Variants in HTR1E observed in about 807,000 individuals in gnomAD.
HTR1E encodes the protein 5-HT-1E.
A neutral mutation model predicts 3.4 loss-of-function variants in HTR1E; 3 were observed. That is an observed-to-expected ratio of 0.89 (90% CI 0.41 to 2.31). The LOEUF (loss-of-function observed/expected upper bound fraction) is 2.31. HTR1E is among the 30% of genes most tolerant of loss of function. The pLI is 0.05. For missense variants in HTR1E, 392 were observed against 467.0 expected (o/e 0.84, Z 1.48); for synonymous variants, 170 against 182.8 (o/e 0.93, Z 0.56).
intron 1 of HTR1E, among the ~76,000 whole-genome samples, chr6:86,995,615 A>C (rs1380711613): frequency 7.2e-6 from 1 of 139,738 alleles, no homozygotes; most frequent in African/African-American, 2.6e-5. Context: ...GCAGTGAGCC[A>C]AGATCACACC....
chr6:86,962,831 C>T (rs1767427793), intron 1 of HTR1E, among the ~76,000 whole-genome samples: 1 of 152,176 alleles, frequency 6.6e-6, no homozygotes, highest in Admixed American at 6.5e-5. Flanking sequence ...GAGCGAGACC[C>T]TGTCTCCAAA....
intron 1 of HTR1E, among the ~76,000 whole-genome samples, chr6:86,954,839 A>T (rs527563259): frequency 6.6e-6 from 1 of 152,286 alleles, no homozygotes; most frequent in East Asian, 1.9e-4. Context: ...GCAATATTTA[A>T]TGGAAGTCAA....
At chr6:86,959,414 A>G (rs1767374333) in intron 1 of HTR1E, among the ~76,000 whole-genome samples, 1 of 152,124 alleles carries the variant, frequency 6.6e-6, no homozygotes, top group Non-Finnish European at 1.5e-5. Context: ...CCCTGTCTCT[A>G]CAAAAAAAAA....
chr6:86,980,715 A>G (rs972241921), intron 1 of HTR1E, among the ~76,000 whole-genome samples: 4 of 152,184 alleles, frequency 2.6e-5, no homozygotes, highest in Admixed American at 6.5e-5. Flanking sequence ...CTCAGGCAAA[A>G]ATATTCTTCT....
chr6:86,950,382 G>A (rs1313560912), intron 1 of HTR1E, among the ~76,000 whole-genome samples: 2 of 152,110 alleles, frequency 1.3e-5, no homozygotes, highest in East Asian at 1.9e-4. Context: ...TGAAGTGCAC[G>A]GAAGGAATGA....
intron 1 of HTR1E, among the ~76,000 whole-genome samples, chr6:86,969,563 T>G (rs1259240247): frequency 2.6e-5 from 4 of 152,202 alleles, no homozygotes; most frequent in South Asian, 2.1e-4. Context: ...TGTTCCTTTT[T>G]TGGTCCCTGC....
At chr6:87,010,351 G>A (rs1232104105) in intron 1 of HTR1E, among the ~76,000 whole-genome samples, 3 of 117,076 alleles carry the variant, frequency 2.6e-5, no homozygotes, top group South Asian at 6.2e-4. Flanking sequence ...CGGGGCGGCT[G>A]GCCGGGCGGG....
intron 1 of HTR1E, among the ~76,000 whole-genome samples, chr6:86,968,031 TAATA>T (rs1487415236): frequency 6.6e-6 from 1 of 151,734 alleles, no homozygotes; most frequent in Non-Finnish European, 1.5e-5. Context: ...TCAATCGAGA[TAATA>T]AATGAGTTTA....
intron 1 of HTR1E, among the ~76,000 whole-genome samples, chr6:86,967,469 G>C (rs1185017894): frequency 2.0e-5 from 3 of 152,116 alleles, no homozygotes; most frequent in African/African-American, 7.2e-5. Context: ...ATTCAATGGA[G>C]AGAAAGTATT....
intron 1 of HTR1E, among the ~76,000 whole-genome samples, chr6:86,981,139 G>A (rs953235424): frequency 6.6e-6 from 1 of 152,154 alleles, no homozygotes. Flanking sequence ...AGGCAACAGA[G>A]GCTCAGATAT....
chr6:86,982,238 A>G (rs1767726082), intron 1 of HTR1E, among the ~76,000 whole-genome samples: 1 of 152,214 alleles, frequency 6.6e-6, no homozygotes, highest in Non-Finnish European at 1.5e-5. Flanking sequence ...TTACCCAATT[A>G]TCTAAACACC....
chr6:86,951,739 AAT>A (rs1437783942), intron 1 of HTR1E, among the ~76,000 whole-genome samples: 4 of 152,198 alleles, frequency 2.6e-5, no homozygotes, highest in Non-Finnish European at 5.9e-5. Context: ...AAAAGAAAAA[AAT>A]ATATATGTCT....
chr6:86,959,079 C>G (rs945443493), intron 1 of HTR1E, among the ~76,000 whole-genome samples: 1 of 151,590 alleles, frequency 6.6e-6, no homozygotes, highest in African/African-American at 2.4e-5. Flanking sequence ...GGCTGGAGAC[C>G]CAGGGCAGAG....
At chr6:86,990,649 G>C in intron 1 of HTR1E, among the ~76,000 whole-genome samples, 1 of 152,258 alleles carries the variant, frequency 6.6e-6, no homozygotes, top group East Asian at 1.9e-4. Context: ...GGCATCAATA[G>C]TGTATTTATA....
chr6:86,998,018 T>A (rs748355219), intron 1 of HTR1E, among the ~76,000 whole-genome samples: 25 of 150,382 alleles, frequency 1.7e-4, no homozygotes, highest in Non-Finnish European at 3.5e-4. Flanking sequence ...TACATAATGT[T>A]ATAAGAACTA....
intron 1 of HTR1E, among the ~76,000 whole-genome samples, chr6:87,001,463 G>A (rs1768022790): frequency 6.6e-6 from 1 of 152,162 alleles, no homozygotes; most frequent in Non-Finnish European, 1.5e-5. Flanking sequence ...AGGTCCTGCT[G>A]CTTGCCACAG....
At chr6:86,967,614 T>C (rs898057800) in intron 1 of HTR1E, among the ~76,000 whole-genome samples, 15 of 152,140 alleles carry the variant, frequency 9.9e-5, no homozygotes, top group African/African-American at 3.6e-4. Flanking sequence ...AGATTAAATA[T>C]GCGAAAGAGA....
In HTR1E at chr6:86,968,597, A is replaced by G. The variant is rs577533112; in HGVS notation, c.-186+30774A>G. 3.9e-5 allele frequency among the ~76,000 whole-genome samples: 6 copies of G among 152,312 alleles called. No individual in the cohort carries two copies. In the South Asian group the frequency reaches 1.2e-3, roughly 32 times the overall value. ...AGCATTAGTTCATAGTTTAACAAAA[A>G]CATTAGTGGTTCCTTTTCTGTGAAC... On this transcript the variant is annotated intron_variant, in intron 1 of 1. Coordinates refer to ENST00000305344, the MANE Select transcript of HTR1E (RefSeq NM_000865.3).
intron 1 of HTR1E, among the ~76,000 whole-genome samples, chr6:87,014,057 C>T (rs996244302): frequency 4.6e-5 from 7 of 151,982 alleles, no homozygotes; most frequent in Non-Finnish European, 8.8e-5. Context: ...GGGAATTGAA[C>T]AATGAGAACA....
Sources: gnomAD v4.1 joint callset for allele counts (sites outside exome capture counted in the v4.1 genomes callset) on GRCh38, gnomAD v4.1.1 for gene constraint, MANE v1.5 for transcripts, NCBI Gene and HGNC (gene_info 2026-07-23, HGNC 2026-07-21) for gene names.